The following COPG2 variants were observed in gnomAD, a reference collection of about 807,000 sequenced individuals.
COPG2 encodes coatomer subunit gamma-2.
In COPG2, 37 loss-of-function variants were observed where a neutral mutation model predicts 46.3. That is an observed-to-expected ratio of 0.80 (90% confidence interval 0.61 to 1.05). COPG2 has a LOEUF of 1.05. Ranked by LOEUF, COPG2 falls within the 50% of genes least tolerant of loss-of-function variation. The pLI, the probability that COPG2 is intolerant of heterozygous loss-of-function variation, is 0.00. For missense variants in COPG2, 427 were observed against 387.8 expected, an observed-to-expected ratio of 1.10 and a Z score of -0.85; for synonymous variants, 159 against 129.7, an observed-to-expected ratio of 1.23 and a Z score of -1.53.
chr7:130,654,782 C>T lies in COPG2; in HGVS notation c.244-1834G>A, dbSNP rs548120235. On this transcript the variant is annotated intron_variant, in intron 4 of 23. Transcript: ENST00000425248. ...TTTATTTCTACTCTGTCTTTTTTTC[C>T]TCTCTGCTTTATTTTGGACTTCTAC... 2.0e-5 allele frequency among the ~76,000 whole-genome samples: 3 copies of T among 152,070 alleles called. No individual in the cohort carries two copies. The East Asian group carries it at 5.8e-4, about 29-fold the overall frequency.
intron 5 of COPG2, among the ~76,000 whole-genome samples, chr7:130,629,732 T>A (rs917742090): frequency 1.4e-4 from 21 of 152,180 alleles, no homozygotes; most frequent in African/African-American, 5.1e-4. Flanking sequence ...GTCTGTTTGA[T>A]ATTCTCTCAG....
rs1161880045 is a variant in COPG2 at position 130,558,368 on chromosome 7, C to T, written c.1128+2665G>A. ...TTGGTCATGCTCCTGCCATGTAAGA[C>T]GTCTGCTCCTGTTTTGCCTTCCACT... On this transcript the variant is annotated intron_variant, in intron 12 of 23. Coordinates refer to ENST00000425248, the MANE Select transcript of COPG2 (RefSeq NM_012133.6). Among the ~76,000 whole-genome samples the T allele has an allele frequency of 3.9e-5, 6 of 152,258 alleles. 1 individual carries two copies. The highest frequency in any genetic ancestry group is 3.9e-4 in the East Asian group (2 of 5,166).
At chr7:130,534,604 G>T (rs1485785452) in intron 20 of COPG2, among the ~76,000 whole-genome samples, 1 of 152,178 alleles carries the variant, frequency 6.6e-6, no homozygotes, top group African/African-American at 2.4e-5. Flanking sequence ...AGTAAATCCA[G>T]TGGTAGTCAG....
chr7:130,522,584 G>C, intron 20 of COPG2, among the ~76,000 whole-genome samples: 1 of 152,154 alleles, frequency 6.6e-6, no homozygotes. Flanking sequence ...GTCGGAGGGC[G>C]AGTGTGGAGT....
At chr7:130,595,302 G>C (rs545248333) in intron 9 of COPG2, among the ~76,000 whole-genome samples, 3 of 152,168 alleles carry the variant, frequency 2.0e-5, no homozygotes, top group Non-Finnish European at 4.4e-5. Flanking sequence ...GAGATGTCCA[G>C]AACAGGCAAA....
At chr7:130,566,907 T>C (rs1354617946) in intron 9 of COPG2, among the ~76,000 whole-genome samples, 1 of 152,166 alleles carries the variant, frequency 6.6e-6, no homozygotes, top group Non-Finnish European at 1.5e-5. Context: ...ATGGTACAGT[T>C]TGGACTAACA....
At chr7:130,534,681 C>T (rs1475413673) in intron 20 of COPG2, among the ~76,000 whole-genome samples, 5 of 152,082 alleles carry the variant, frequency 3.3e-5, no homozygotes, top group African/African-American at 9.7e-5. Flanking sequence ...AAAGGTAGAA[C>T]AGGACGGAGG....
At chr7:130,513,311 ATATAT>A (rs1799634079) in intron 20 of COPG2, among the ~76,000 whole-genome samples, 2 of 42,212 alleles carry the variant, frequency 4.7e-5, no homozygotes, top group Non-Finnish European at 8.5e-5. Flanking sequence ...AAAAAAAAAT[ATATAT>A]ATATATATAT....
intron 1 of COPG2, 112 bp from the exon 2 acceptor site, chr7:130,667,646 G>C (rs1796115079): frequency 2.6e-6 from 2 of 760,794 alleles, no homozygotes; most frequent in Non-Finnish European, 4.4e-6. Context: ...GGATGGCACA[G>C]TGATAATCAT....
intron 20 of COPG2, among the ~76,000 whole-genome samples, chr7:130,531,771 G>A (rs1443616385): frequency 6.6e-6 from 1 of 151,350 alleles, no homozygotes; most frequent in Non-Finnish European, 1.5e-5. Flanking sequence ...AGAGACTGAA[G>A]TGCAGGGAAC....
At chr7:130,523,969 G>A (rs1385318344) in intron 20 of COPG2, among the ~76,000 whole-genome samples, 1 of 152,018 alleles carries the variant, frequency 6.6e-6, no homozygotes, top group African/African-American at 2.4e-5. Flanking sequence ...GGGGCAGGGG[G>A]ATGAGGGTGG....
intron 9 of COPG2, 75 bp downstream of exon 9, chr7:130,610,878 C>T: frequency 2.0e-6 from 3 of 1,510,860 alleles, no homozygotes; most frequent in Non-Finnish European, 2.8e-6. Context: ...AAAAAAAATT[C>T]AAAAAGGAAA....
chr7:130,614,158 C>T (rs1468209472), intron 6 of COPG2, among the ~76,000 whole-genome samples: 1 of 152,148 alleles, frequency 6.6e-6, no homozygotes, highest in Non-Finnish European at 1.5e-5. Context: ...AAATACAGTT[C>T]TTTTTAACTT....
At chr7:130,645,186 C>A in intron 5 of COPG2, 1 of 636,236 alleles carries the variant, frequency 1.6e-6, no homozygotes, top group Non-Finnish European at 3.0e-6. Flanking sequence ...TCCACGTATT[C>A]AGAGAGTACC....
intron 21 of COPG2, chr7:130,508,317 T>C (rs1161404569): frequency 1.3e-5 from 5 of 388,668 alleles, no homozygotes; most frequent in Non-Finnish European, 1.8e-5. Flanking sequence ...ATTATCCCTA[T>C]TATAAAGAAA....
chr7:130,518,363 C>T (rs1371813860), intron 20 of COPG2, among the ~76,000 whole-genome samples: 3 of 152,080 alleles, frequency 2.0e-5, no homozygotes, highest in Non-Finnish European at 4.4e-5. Flanking sequence ...GGGGGAAGAT[C>T]AGGGTGAATC....
intron 9 of COPG2, among the ~76,000 whole-genome samples, chr7:130,590,602 G>A (rs553798575): frequency 2.1e-4 from 32 of 152,082 alleles, no homozygotes; most frequent in African/African-American, 6.8e-4. Flanking sequence ...ATCTCGGCTC[G>A]CTACAACCTC....
intron 20 of COPG2, among the ~76,000 whole-genome samples, chr7:130,538,966 A>G (rs1013389920): frequency 6.6e-6 from 1 of 152,152 alleles, no homozygotes; most frequent in Non-Finnish European, 1.5e-5. Context: ...AAATGGGCAC[A>G]GTGGGCATGC....
intron 9 of COPG2, among the ~76,000 whole-genome samples, chr7:130,601,895 GAA>G (rs1794639974): frequency 6.6e-6 from 1 of 151,958 alleles, no homozygotes; most frequent in East Asian, 1.9e-4. Flanking sequence ...AAGAAGGAAG[GAA>G]GGAAGGAAGG....
Sources: gnomAD v4.1 joint callset for allele counts (sites outside exome capture counted in the v4.1 genomes callset) on GRCh38, gnomAD v4.1.1 for gene constraint, MANE v1.5 for transcripts, NCBI Gene and HGNC (gene_info 2026-07-23, HGNC 2026-07-21) for gene names.